The following A2ML1 variants were observed in gnomAD, a reference collection of about 807,000 sequenced individuals.
A2ML1 encodes alpha-2-macroglobulin like 1.
A2ML1 carries 161 observed loss-of-function variants against 181.9 expected under a neutral mutation model. That is an observed-to-expected ratio of 0.89 (90% CI 0.78 to 1.01). The LOEUF (loss-of-function observed/expected upper bound fraction) is 1.01. Among genes scored for constraint, A2ML1 ranks in the 50% least tolerant of loss-of-function variants. A2ML1 has a pLI of 0.00. For missense variants in A2ML1, 1,670 were observed against 1,768.1 expected (o/e 0.94, Z 1.00); for synonymous variants, 663 against 666.8 (o/e 0.99, Z 0.09).
chr12:8,839,092 A>G, intron 9 of A2ML1, 21 bp from the exon 10 acceptor site: 1 of 1,536,000 alleles, frequency 6.5e-7, no homozygotes, highest in Non-Finnish European at 9.0e-7. Flanking sequence ...AGATCTTTAT[A>G]CATCTGGTTT....
chr12:8,834,937 A>C, intron 5 of A2ML1: 1 of 518,706 alleles, frequency 1.9e-6, no homozygotes, highest in Non-Finnish European at 3.4e-6. Flanking sequence ...CATTCCCCTA[A>C]CTTCTCTGTG....
intron 26 of A2ML1, chr12:8,858,330 C>T (rs1944142326): frequency 2.3e-6 from 1 of 444,432 alleles, no homozygotes; most frequent in African/African-American, 2.0e-5. Context: ...TGCCTGTAAT[C>T]CCAGCACTTT....
chr12:8,830,625 A>C (rs1010777892), intron 4 of A2ML1: 3 of 152,132 alleles, frequency 2.0e-5, no homozygotes, highest in African/African-American at 4.8e-5. Flanking sequence ...TTCAAGTTGG[A>C]GCATGTGTCA....
intron 7 of A2ML1, among the ~76,000 whole-genome samples, chr12:8,884,070 C>T (rs889977244): frequency 6.6e-6 from 1 of 151,836 alleles, no homozygotes; most frequent in Admixed American, 6.6e-5. Context: ...ACAGGCGTGA[C>T]CCACCACACC....
rs1943242085 is a variant in A2ML1, at chr12:8,835,504, C to T, written c.484-3C>T. On this transcript the variant is annotated splice_region_variant and splice_polypyrimidine_tract_variant and intron_variant, in intron 5 of 35. Coordinates refer to ENST00000299698, the MANE Select transcript of A2ML1 (RefSeq NM_144670.6). ...CACATCATGCAGTTTCTCTATTGGA[C>T]AGGATCCAAATAGCAACAGGATTGC... 1 of 1,614,006 alleles carries T rather than the reference C, an allele frequency of 6.2e-7. No individual in the cohort carries two copies. The highest frequency in any genetic ancestry group is 2.2e-5 in the East Asian group (1 of 44,874).
intron 25 of A2ML1, 109 bp downstream of exon 25, chr12:8,857,697 G>A: frequency 7.9e-7 from 1 of 1,260,346 alleles, no homozygotes; most frequent in Middle Eastern, 1.9e-4. Context: ...CTTGCACTCA[G>A]TCTTCTACCT....
intron 26 of A2ML1, 36 bp downstream of exon 26, chr12:8,858,138 G>A: frequency 6.2e-7 from 1 of 1,601,540 alleles, no homozygotes; most frequent in Non-Finnish European, 8.5e-7. Context: ...GCCAACCACT[G>A]TCTCGAAGGA....
rs1478415270 is a variant in A2ML1, at chr12:8,835,420, C to T, written c.484-87C>T. 3 of 1,556,946 alleles carry T rather than the reference C, an allele frequency of 1.9e-6. No individual in the cohort carries two copies. The Admixed American group carries it at 5.2e-5, about 27-fold the overall frequency. On this transcript the variant is annotated intron_variant, in intron 5 of 35. Coordinates refer to ENST00000299698, the MANE Select transcript of A2ML1 (RefSeq NM_144670.6). Reference sequence around the variant, plus strand: ...CATGAACAATGGGTGGGGTTTTTTACCTGCCTTTTGCTTCTTTACCTGCTT... The same window carrying T: ...CATGAACAATGGGTGGGGTTTTTTATCTGCCTTTTGCTTCTTTACCTGCTT...
intron 7 of A2ML1, among the ~76,000 whole-genome samples, chr12:8,885,818 G>C (rs1270461887): frequency 6.6e-6 from 1 of 152,158 alleles, no homozygotes; most frequent in Non-Finnish European, 1.5e-5. Flanking sequence ...CATGGTATGA[G>C]CTAGGTCAAG....
chr12:8,845,806 T>C (rs979949079), intron 13 of A2ML1, among the ~76,000 whole-genome samples: 32 of 148,222 alleles, frequency 2.2e-4, no homozygotes, highest in African/African-American at 5.8e-4. Context: ...GCCGAGATCA[T>C]GCCACTGCGC....
At chr12:8,827,871 C>G (rs893735835) in intron 3 of A2ML1, among the ~76,000 whole-genome samples, 5 of 152,164 alleles carry the variant, frequency 3.3e-5, no homozygotes, top group Non-Finnish European at 7.4e-5. Flanking sequence ...ATAGAGGTAC[C>G]TCCTTGATGG....
chr12:8,841,498 G>A lies in A2ML1; in HGVS notation c.1210G>A (p.Glu404Lys). Residue 404 changes from glutamate (E) to lysine (K), a missense_variant, in exon 11 of 36, where the codon GAG (glutamate) becomes AAG (lysine). Coordinates refer to ENST00000299698, the MANE Select transcript of A2ML1 (RefSeq NM_144670.6). The stretch of plus-strand genomic sequence containing the variant: ...CAATGGCCTAGCTCCCTTTACCTTG[G>A]AGACATCCGGTTGGAATGGGACAGA... The part of the protein sequence containing the change: ...DNNGLAPFTL[E>K]TSGWNGTDVS... 6.2e-7 allele frequency: 1 copy of A among 1,614,046 alleles called. No homozygotes were observed. The highest frequency in any genetic ancestry group is 1.1e-5 in the South Asian group (1 of 91,062).
intron 11 of A2ML1, among the ~76,000 whole-genome samples, chr12:8,842,851 C>T (rs988480661): frequency 6.6e-6 from 1 of 152,164 alleles, no homozygotes; most frequent in Non-Finnish European, 1.5e-5. Context: ...GTTCATCTAT[C>T]CCAGGAATAT....
At chr12:8,828,583 G>A (rs57157785) in intron 3 of A2ML1, among the ~76,000 whole-genome samples, 2,609 of 152,234 alleles carry the variant, frequency 0.017, 83 homozygotes, top group African/African-American at 0.059. Context: ...GGGCCTGCTT[G>A]GTGCTGTACC....
intron 33 of A2ML1, 127 bp downstream of exon 33, chr12:8,869,330 C>G (rs1053788563): frequency 2.2e-6 from 2 of 902,310 alleles, no homozygotes; most frequent in African/African-American, 3.3e-5. Context: ...CCACACCATG[C>G]CATGAGTTCT....
At chr12:8,871,660 A>G (rs1440198676) in intron 33 of A2ML1, among the ~76,000 whole-genome samples, 1 of 152,012 alleles carries the variant, frequency 6.6e-6, no homozygotes, top group Non-Finnish European at 1.5e-5. Flanking sequence ...ATTTCTGCCA[A>G]TTGTTTCCTG....
In A2ML1 at chr12:8,852,202, C is replaced by T; in HGVS notation, c.2464-8C>T. 1 of 1,613,954 alleles carries T rather than the reference C, an allele frequency of 6.2e-7. No homozygotes were observed. The highest frequency in any genetic ancestry group is 8.5e-7 in the Non-Finnish European group (1 of 1,180,012). On this transcript the variant is annotated splice_region_variant and splice_polypyrimidine_tract_variant and intron_variant, in intron 19 of 35. Coordinates refer to ENST00000299698, the MANE Select transcript of A2ML1 (RefSeq NM_144670.6). This position sits in a 1 kb window ranked among gnomAD's most constrained non-coding sequence, Gnocchi z 4.2. ...TTGTACCCTTTGTCTCTTAAACATCCTCCGTAGGTTCAGACTGACCTGGCT... is the reference window on the plus strand; with the variant it reads ...TTGTACCCTTTGTCTCTTAAACATCTTCCGTAGGTTCAGACTGACCTGGCT...
At chr12:8,858,833 C>T (rs764530717) in intron 26 of A2ML1, among the ~76,000 whole-genome samples, 1 of 152,094 alleles carries the variant, frequency 6.6e-6, no homozygotes, top group Non-Finnish European at 1.5e-5. Flanking sequence ...TACTGTGTCA[C>T]CAAATCCATC....
chr12:8,845,364 C>T (rs1037931353), intron 12 of A2ML1, 78 bp from the exon 13 acceptor site: 85 of 1,500,396 alleles, frequency 5.7e-5, no homozygotes, highest in Non-Finnish European at 7.7e-5. Flanking sequence ...TGAAGGGATG[C>T]AGAGATGCTC....
Sources: allele counts gnomAD v4.1 joint callset (sites outside exome capture counted in the v4.1 genomes callset), GRCh38; gene constraint gnomAD v4.1.1; non-coding constraint Gnocchi (gnomAD v3.1); transcripts MANE v1.5; gene names NCBI Gene and HGNC (gene_info 2026-07-23, HGNC 2026-07-21).